Variants in KANK1 observed in about 807,000 individuals in gnomAD.
The protein encoded by KANK1 is KN motif and ankyrin repeat domains 1.
A neutral mutation model predicts 106.2 loss-of-function variants in KANK1; 109 were observed. The ratio of observed to expected loss-of-function variants is 1.03; its 90% CI spans 0.88 to 1.20. The LOEUF (loss-of-function observed/expected upper bound fraction) is 1.20, where lower values mean the gene tolerates loss of function less well. Among genes scored for constraint, KANK1 ranks in the 50% most tolerant of loss-of-function variants. The pLI is 0.00. For missense variants in KANK1, 2,399 were observed against 1,710.7 expected, an observed-to-expected ratio of 1.40 and a Z score of -7.10; for synonymous variants, 873 against 652.2, an observed-to-expected ratio of 1.34 and a Z score of -5.16.
chr9:724,822 G>C (rs1440378777), intron 3 of KANK1, among the ~76,000 whole-genome samples: 3 of 152,022 alleles, frequency 2.0e-5, no homozygotes, highest in Admixed American at 6.6e-5. Context: ...AGAGTGTTCT[G>C]GCATTCAGTG....
At chr9:558,028 G>A (rs541377701) in intron 1 of KANK1, among the ~76,000 whole-genome samples, 5 of 152,112 alleles carry the variant, frequency 3.3e-5, no homozygotes, top group African/African-American at 4.8e-5. Context: ...AAACCTATAC[G>A]AACAATGGTA....
At chr9:518,917 T>C (rs932345806) in intron 1 of KANK1, among the ~76,000 whole-genome samples, 3 of 151,042 alleles carry the variant, frequency 2.0e-5, no homozygotes, top group South Asian at 2.1e-4. Flanking sequence ...TGAGACAGAG[T>C]TTCGCTCTTG....
chr9:638,286 A>G (rs1003965161), intron 1 of KANK1, among the ~76,000 whole-genome samples: 1 of 152,168 alleles, frequency 6.6e-6, no homozygotes, highest in Non-Finnish European at 1.5e-5. Flanking sequence ...GATCAGGGGG[A>G]CATGTGGTAA....
chr9:680,064 A>G (rs537843819), intron 2 of KANK1, among the ~76,000 whole-genome samples: 40 of 152,344 alleles, frequency 2.6e-4, no homozygotes, highest in Non-Finnish European at 4.8e-4. Flanking sequence ...CTATGAGAAA[A>G]GGATAAGCTA....
chr9:602,593 A>T (rs767668739), intron 1 of KANK1, among the ~76,000 whole-genome samples: 1 of 149,056 alleles, frequency 6.7e-6, no homozygotes, highest in Non-Finnish European at 1.5e-5. Flanking sequence ...TCTTTTGGTT[A>T]GTTATAGAGG....
At chr9:616,474 A>G (rs1831853742) in intron 1 of KANK1, among the ~76,000 whole-genome samples, 3 of 152,188 alleles carry the variant, frequency 2.0e-5, no homozygotes, top group Admixed American at 2.0e-4. Flanking sequence ...TTTAAGCTAA[A>G]AGCTGCTGTC....
intron 1 of KANK1, among the ~76,000 whole-genome samples, chr9:638,980 T>C (rs1379113313): frequency 2.0e-5 from 3 of 152,182 alleles, no homozygotes; most frequent in Non-Finnish European, 4.4e-5. Flanking sequence ...TATGTTCACC[T>C]GAGCAAAGTC....
intron 1 of KANK1, among the ~76,000 whole-genome samples, chr9:667,260 G>A (rs979690817): frequency 2.0e-5 from 3 of 151,464 alleles, no homozygotes; most frequent in South Asian, 2.1e-4. Context: ...TACTCCTATG[G>A]TCTCTGTTGT....
intron 1 of KANK1, among the ~76,000 whole-genome samples, chr9:570,200 G>T (rs1818822901): frequency 1.3e-5 from 2 of 152,268 alleles, no homozygotes; most frequent in South Asian, 2.1e-4. Context: ...GATTGTGTGT[G>T]TACATTTGGG....
chr9:696,327 C>G (rs1055085037), intron 2 of KANK1, among the ~76,000 whole-genome samples: 1 of 151,418 alleles, frequency 6.6e-6, no homozygotes, highest in African/African-American at 2.4e-5. Flanking sequence ...CCCCTAGACA[C>G]TTAGAGTCTG....
intron 2 of KANK1, among the ~76,000 whole-genome samples, chr9:686,590 T>A (rs1383353303): frequency 6.6e-6 from 1 of 151,946 alleles, no homozygotes; most frequent in Non-Finnish European, 1.5e-5. Flanking sequence ...GAAAAAAAAA[T>A]TAATTGCAAA....
At chr9:696,528 A>AG (rs1387644120) in intron 2 of KANK1, among the ~76,000 whole-genome samples, 12 of 152,122 alleles carry the variant, frequency 7.9e-5, no homozygotes, top group African/African-American at 2.7e-4. Context: ...ATTTTGACAG[A>AG]TGGGAGAGTG....
chr9:713,038 G>C lies in KANK1; in HGVS notation c.2272G>C (p.Glu758Gln). The change falls in exon 3 of 12, where the codon GAG (glutamate) becomes CAG (glutamine). Residue 758 changes from glutamate (E) to glutamine (Q), a missense_variant. By Grantham distance (29) the Glu-to-Gln change is conservative. Coordinates refer to ENST00000382297, the MANE Select transcript of KANK1 (RefSeq NM_015158.5). ...FDRPSAVKTKESGVGQININD... is the reference protein window; with the variant it reads ...FDRPSAVKTKQSGVGQININD... ...CAGGCCATCAGCTGTGAAGACCAAA[G>C]AGTCAGGTGTGGGGCAGATAAATAT... 1.2e-6 allele frequency: 2 copies of C among 1,614,206 alleles called. No individual in the cohort carries two copies. The highest frequency in any genetic ancestry group is 1.7e-6 in the Non-Finnish European group (2 of 1,180,040).
chr9:658,909 T>A (rs184114269), intron 1 of KANK1, among the ~76,000 whole-genome samples: 2 of 152,280 alleles, frequency 1.3e-5, no homozygotes, highest in Admixed American at 1.3e-4. Context: ...CAATGTTGTT[T>A]CCGTGGAAAG....
At chr9:732,302 T>G in intron 5 of KANK1, 76 bp from the exon 6 acceptor site, 2 of 1,513,258 alleles carry the variant, frequency 1.3e-6, no homozygotes, top group Non-Finnish European at 8.9e-7. Context: ...AATTAGCAAA[T>G]CCCTTCATAG....
chr9:629,560 C>A (rs1835174799), intron 1 of KANK1, among the ~76,000 whole-genome samples: 1 of 152,122 alleles, frequency 6.6e-6, no homozygotes, highest in Non-Finnish European at 1.5e-5. Flanking sequence ...TGTAAAGGCC[C>A]ATCACATATA....
intron 1 of KANK1, among the ~76,000 whole-genome samples, chr9:546,196 T>C (rs190240111): frequency 4.3e-4 from 66 of 152,262 alleles, no homozygotes; most frequent in Non-Finnish European, 8.5e-4. Flanking sequence ...ACACCTTCCA[T>C]GCGTGGTGGC....
At chr9:516,107 A>G (rs1303341990) in intron 1 of KANK1, among the ~76,000 whole-genome samples, 1 of 151,488 alleles carries the variant, frequency 6.6e-6, no homozygotes, top group Non-Finnish European at 1.5e-5. Context: ...GGGGACAGAC[A>G]CAAGGTGGTC....
chr9:643,708 T>G lies in KANK1; in HGVS notation c.-83-33182T>G, dbSNP rs116266126. On this transcript the variant is annotated intron_variant, in intron 1 of 11. Coordinates refer to ENST00000382297, the MANE Select transcript of KANK1 (RefSeq NM_015158.5). ...ATTTGTGGGGGTTTTTTGTTTTTTT[T>G]GGGTTTTTTTTAGAGACAGAGTCTC... Among the ~76,000 whole-genome samples the G allele has an allele frequency of 5.4e-3, 809 of 149,994 alleles. 52 individuals carry two copies. The highest frequency in any genetic ancestry group is 0.017 in the African/African-American group (685 of 39,556).
Sources: gnomAD v4.1 joint callset for allele counts (sites outside exome capture counted in the v4.1 genomes callset) on GRCh38, gnomAD v4.1.1 for gene constraint, MANE v1.5 for transcripts, NCBI Gene and HGNC (gene_info 2026-07-23, HGNC 2026-07-21) for gene names.